The following LINGO2 variants were observed in gnomAD, a reference collection of about 807,000 sequenced individuals.
LINGO2 encodes leucine-rich repeat and immunoglobulin-like domain-containing nogo receptor-interacting protein 2.
Under a neutral mutation model 30.6 loss-of-function variants are expected in LINGO2, and 14 were observed. That is an observed-to-expected ratio of 0.46 (90% CI 0.30 to 0.72). The LOEUF is 0.72. Among genes scored for constraint, LINGO2 ranks in the 30% least tolerant of loss-of-function variants. The pLI, the probability that LINGO2 is intolerant of heterozygous loss-of-function variation, is 0.07. For synonymous variants in LINGO2, 317 were observed against 288.5 expected (o/e 1.10, Z -1.00); for missense variants, 729 against 751.7 (o/e 0.97, Z 0.35).
chr9:27,972,264 T>G (rs1820391612), intron 5 of LINGO2, among the ~76,000 whole-genome samples: 1 of 152,200 alleles, frequency 6.6e-6, no homozygotes, highest in Non-Finnish European at 1.5e-5. Flanking sequence ...CATCAGCAGC[T>G]GGGTTCCGGT....
At chr9:27,959,964 G>C (rs976053347) in intron 5 of LINGO2, among the ~76,000 whole-genome samples, 2 of 152,062 alleles carry the variant, frequency 1.3e-5, no homozygotes, top group African/African-American at 4.8e-5. Flanking sequence ...TTAAGCACAT[G>C]CTCGATTTCT....
the LINGO2 span, among the ~76,000 whole-genome samples, chr9:28,796,718 A>C: frequency 3.9e-5 from 6 of 152,062 alleles, no homozygotes; most frequent in African/African-American, 1.4e-4. Context: ...AAGATTTCCA[A>C]ATTTTAAATA....
At chr9:29,010,801 G>A in the LINGO2 span, among the ~76,000 whole-genome samples, 4 of 151,966 alleles carry the variant, frequency 2.6e-5, no homozygotes, top group South Asian at 2.1e-4. Context: ...AGAATCACTC[G>A]AACCCAGGAG....
At chr9:28,208,864 C>T (rs889756197) in intron 4 of LINGO2, among the ~76,000 whole-genome samples, 1 of 152,036 alleles carries the variant, frequency 6.6e-6, no homozygotes, top group African/African-American at 2.4e-5. Context: ...TTTTCCTCTG[C>T]TCTGCTAAGT....
At chr9:28,852,994 GAGGGGA>G in the LINGO2 span, among the ~76,000 whole-genome samples, 3 of 152,046 alleles carry the variant, frequency 2.0e-5, no homozygotes, top group African/African-American at 7.2e-5. Context: ...TTTCTCAAAG[GAGGGGA>G]AGCTGGGTCT....
chr9:28,616,568 C>A (rs2135805679), intron 1 of LINGO2, among the ~76,000 whole-genome samples: 1 of 152,290 alleles, frequency 6.6e-6, no homozygotes, highest in African/African-American at 2.4e-5. Context: ...TGTATGAGGG[C>A]ACACAGAAAT....
At chr9:28,462,886 G>T (rs1409211207) in intron 2 of LINGO2, among the ~76,000 whole-genome samples, 2 of 151,992 alleles carry the variant, frequency 1.3e-5, no homozygotes, top group East Asian at 1.9e-4. Context: ...ACCCATCATA[G>T]GATTTCTAAG....
the LINGO2 span, among the ~76,000 whole-genome samples, chr9:28,989,618 C>A: frequency 6.6e-6 from 1 of 152,038 alleles, no homozygotes; most frequent in East Asian, 1.9e-4. Flanking sequence ...TACCTGTACA[C>A]GTAATTGTTA....
intron 4 of LINGO2, among the ~76,000 whole-genome samples, chr9:28,028,364 G>A (rs900103463): frequency 6.6e-6 from 1 of 152,028 alleles, no homozygotes; most frequent in Non-Finnish European, 1.5e-5. Context: ...TGCTCTACCT[G>A]TCATAGCAAC....
chr9:28,391,531 A>C (rs1216942030), intron 2 of LINGO2, among the ~76,000 whole-genome samples: 2 of 151,962 alleles, frequency 1.3e-5, no homozygotes, highest in Non-Finnish European at 2.9e-5. Context: ...TTCCCTGTCT[A>C]ACGGCCTTAT....
chr9:28,494,335 T>G (rs908421589), intron 1 of LINGO2, among the ~76,000 whole-genome samples: 5 of 152,112 alleles, frequency 3.3e-5, no homozygotes, highest in Non-Finnish European at 7.3e-5. Flanking sequence ...GTCATTTACA[T>G]TAGGCGTATC....
the LINGO2 span, among the ~76,000 whole-genome samples, chr9:28,989,498 T>C: frequency 1.3e-5 from 2 of 152,144 alleles, no homozygotes; most frequent in Admixed American, 1.3e-4. Context: ...AGAAAGGATA[T>C]TAGACTAGAA....
the LINGO2 span, among the ~76,000 whole-genome samples, chr9:28,921,603 AG>A: frequency 6.6e-6 from 1 of 152,338 alleles, no homozygotes; most frequent in East Asian, 1.9e-4. Context: ...AAAACAGGGA[AG>A]GGAGCACAGC....
At chr9:29,026,897 AATG>A in the LINGO2 span, among the ~76,000 whole-genome samples, 1 of 152,160 alleles carries the variant, frequency 6.6e-6, no homozygotes. Context: ...CATATATCTG[AATG>A]ATATGACCAA....
intron 4 of LINGO2, among the ~76,000 whole-genome samples, chr9:28,149,920 T>A (rs1827945923): frequency 6.6e-6 from 1 of 150,632 alleles, no homozygotes; most frequent in South Asian, 2.1e-4. Context: ...CGCCGTCCTG[T>A]CTGCGAAGTG....
chr9:28,667,971 G>T (rs1244882960), intron 1 of LINGO2, among the ~76,000 whole-genome samples: 5 of 152,036 alleles, frequency 3.3e-5, no homozygotes, highest in Non-Finnish European at 7.4e-5. Context: ...TCACACTGGT[G>T]ACACCTTCTC....
chr9:28,523,835 G>A (rs958310022), intron 1 of LINGO2, among the ~76,000 whole-genome samples: 4 of 150,336 alleles, frequency 2.7e-5, no homozygotes, highest in African/African-American at 9.7e-5. Flanking sequence ...TATTAAGATG[G>A]CAATTCCGTA....
intron 4 of LINGO2, among the ~76,000 whole-genome samples, chr9:28,018,603 G>A (rs754808927): frequency 9.9e-5 from 15 of 151,890 alleles, no homozygotes; most frequent in East Asian, 1.9e-4. Context: ...CCTCAGCATC[G>A]CTAATCACTG....
the LINGO2 span, among the ~76,000 whole-genome samples, chr9:28,768,887 T>C: frequency 6.6e-6 from 1 of 152,102 alleles, no homozygotes; most frequent in Non-Finnish European, 1.5e-5. Flanking sequence ...ATGCTATACA[T>C]ATAATATATA....
Sources: allele counts gnomAD v4.1 joint callset (sites outside exome capture counted in the v4.1 genomes callset), GRCh38; gene constraint gnomAD v4.1.1; transcripts MANE v1.5; gene names NCBI Gene and HGNC (gene_info 2026-07-23, HGNC 2026-07-21).